BRINP3: variants seen among roughly 807,000 people sequenced by gnomAD.
BRINP3 encodes BMP/retinoic acid inducible neural specific 3.
In BRINP3, 19 loss-of-function variants were observed where a neutral mutation model predicts 71.0. The ratio of observed to expected loss-of-function variants is 0.27; its 90% CI spans 0.19 to 0.39. The LOEUF (loss-of-function observed/expected upper bound fraction) is 0.39. BRINP3 is among the 10% of genes least tolerant of loss of function. The pLI is 1.00. For synonymous variants in BRINP3, 380 were observed against 337.7 expected, an observed-to-expected ratio of 1.13 and a Z score of -1.37; for missense variants, 959 against 940.8, an observed-to-expected ratio of 1.02 and a Z score of -0.25.
intron 2 of BRINP3, among the ~76,000 whole-genome samples, chr1:190,309,614 C>T (rs1184890940): frequency 1.3e-5 from 2 of 151,724 alleles, no homozygotes; most frequent in Non-Finnish European, 3.0e-5. Context: ...TTACAAGTCT[C>T]ATTGTGTTAT....
In BRINP3 at chr1:190,453,201, G is replaced by GTTTTTT. The variant is rs745819844; in HGVS notation, c.236+1453_236+1454insAAAAAA. ...CTACTTTTCAGAAAGAAAAACTTTA[G>GTTTTTT]TATTTTTTTTTTTTTTTTTTTTTTT... On this transcript the variant is annotated intron_variant, in intron 2 of 7. Transcript: ENST00000367462. 7.2e-3 allele frequency among the ~76,000 whole-genome samples: 271 copies of GTTTTTT among 37,852 alleles called. 5 individuals carry two copies. The highest frequency in any genetic ancestry group is 0.023 in the Middle Eastern group (1 of 44). The allele number at this position is 37,852 out of a possible 152,430, so 24.8% of individuals were successfully genotyped here. A position where few individuals can be genotyped will look rare whatever the true frequency, so the allele number is the denominator to read the frequency against.
At chr1:190,354,785 T>TTC (rs1491120587) in intron 2 of BRINP3, among the ~76,000 whole-genome samples, 4 of 151,628 alleles carry the variant, frequency 2.6e-5, no homozygotes, top group African/African-American at 9.7e-5. Context: ...TTTTTTTTTT[T>TTC]TCCTATTTAA....
intron 4 of BRINP3, among the ~76,000 whole-genome samples, chr1:190,253,378 T>C (rs901373941): frequency 1.3e-5 from 2 of 152,230 alleles, no homozygotes; most frequent in Non-Finnish European, 2.9e-5. Flanking sequence ...TGAACTAGTT[T>C]ACACTCCCAT....
At chr1:190,344,860 G>A (rs1667906972) in intron 2 of BRINP3, among the ~76,000 whole-genome samples, 1 of 151,696 alleles carries the variant, frequency 6.6e-6, no homozygotes, top group Admixed American at 6.6e-5. Context: ...TGCCATCAAC[G>A]ACCTTAGGGA....
At chr1:190,311,174 T>C (rs1261210649) in intron 2 of BRINP3, among the ~76,000 whole-genome samples, 2 of 151,728 alleles carry the variant, frequency 1.3e-5, no homozygotes, top group African/African-American at 2.4e-5. Context: ...GCTTTTATCA[T>C]AAATGACTGC....
intron 2 of BRINP3, among the ~76,000 whole-genome samples, chr1:190,429,723 TG>T (rs987069910): frequency 6.6e-6 from 1 of 151,846 alleles, no homozygotes. Context: ...CCCAAGTAGC[TG>T]GGATTACAGG....
At chr1:190,443,896 A>C (rs879323527) in intron 2 of BRINP3, among the ~76,000 whole-genome samples, 9 of 152,112 alleles carry the variant, frequency 5.9e-5, no homozygotes, top group Non-Finnish European at 1.5e-5. Flanking sequence ...TTCTTTCTAT[A>C]AACAGACCTG....
rs1454991802 is a variant in BRINP3, at chr1:190,220,557, G to A, written c.961+5525C>T. ...AAGTATAATTTTTTTTAAAAAAGAAGCAAATAACATAAAAGACATAAAAGG... is the reference window on the plus strand; with the variant it reads ...AAGTATAATTTTTTTTAAAAAAGAAACAAATAACATAAAAGACATAAAAGG... On this transcript the variant is annotated intron_variant, in intron 6 of 7. Transcript: ENST00000367462. Among the ~76,000 whole-genome samples the A allele has an allele frequency of 3.3e-5, 5 of 151,990 alleles. No individual in the cohort carries two copies. In the South Asian group the frequency reaches 1.0e-3, roughly 32 times the overall value.
At chr1:190,128,386 T>C (rs1361343236) in intron 7 of BRINP3, among the ~76,000 whole-genome samples, 1 of 151,820 alleles carries the variant, frequency 6.6e-6, no homozygotes, top group Non-Finnish European at 1.5e-5. Flanking sequence ...CAATGTGTTA[T>C]TTAACTGACA....
At chr1:190,152,752 C>G (rs142005112) in intron 7 of BRINP3, among the ~76,000 whole-genome samples, 11 of 152,108 alleles carry the variant, frequency 7.2e-5, no homozygotes, top group African/African-American at 2.4e-4. Flanking sequence ...AAGCACAACA[C>G]TATATTTCTA....
rs1362616449 is a variant in BRINP3, at chr1:190,270,535, C to A, written c.428-5480G>T. Among the ~76,000 whole-genome samples, 5 of 151,484 alleles carry A rather than the reference C, an allele frequency of 3.3e-5. No individual in the cohort carries two copies. The East Asian group carries it at 9.7e-4, about 29-fold the overall frequency. On this transcript the variant is annotated intron_variant, in intron 3 of 7. Coordinates refer to ENST00000367462, the MANE Select transcript of BRINP3 (RefSeq NM_199051.3). ...TACAAAGAATCAATAAACTTTATAC[C>A]TGGTGCATGAGCAGCATACTCATAG...
At chr1:190,165,415 A>T (rs1343666039) in intron 6 of BRINP3, among the ~76,000 whole-genome samples, 1 of 144,144 alleles carries the variant, frequency 6.9e-6, no homozygotes, top group Non-Finnish European at 1.5e-5. Context: ...ACATGAACAC[A>T]TAGCAAGTAT....
At chr1:190,221,971 G>A (rs1031225603) in intron 6 of BRINP3, among the ~76,000 whole-genome samples, 2 of 151,826 alleles carry the variant, frequency 1.3e-5, no homozygotes, top group Middle Eastern at 3.4e-3. Flanking sequence ...ATAACAGCAG[G>A]GGAATTTAAC....
At chr1:190,138,743 C>G (rs1203514317) in intron 7 of BRINP3, among the ~76,000 whole-genome samples, 1 of 152,060 alleles carries the variant, frequency 6.6e-6, no homozygotes, top group African/African-American at 2.4e-5. Context: ...ACAGGTGGGT[C>G]TCAGAAAGGT....
intron 2 of BRINP3, among the ~76,000 whole-genome samples, chr1:190,447,603 G>GCTCT (rs377608154): frequency 6.8e-6 from 1 of 147,016 alleles, no homozygotes; most frequent in East Asian, 2.0e-4. Flanking sequence ...TCTCCCTATA[G>GCTCT]CTCTCTCTCT....
intron 1 of BRINP3, among the ~76,000 whole-genome samples, chr1:190,460,277 G>A (rs1464145897): frequency 6.7e-6 from 1 of 150,212 alleles, no homozygotes; most frequent in African/African-American, 2.4e-5. Flanking sequence ...ATATTTATAT[G>A]TAGTACCCCA....
At chr1:190,311,175 A>C (rs1010092955) in intron 2 of BRINP3, among the ~76,000 whole-genome samples, 16 of 151,742 alleles carry the variant, frequency 1.1e-4, no homozygotes, top group African/African-American at 3.9e-4. Flanking sequence ...CTTTTATCAT[A>C]AATGACTGCA....
chr1:190,351,729 T>C (rs1399186051), intron 2 of BRINP3, among the ~76,000 whole-genome samples: 2 of 151,988 alleles, frequency 1.3e-5, no homozygotes, highest in Admixed American at 1.3e-4. Context: ...GGTTGAAGAG[T>C]TTTTAAATGG....
chr1:190,348,349 C>A (rs1668157380), intron 2 of BRINP3, among the ~76,000 whole-genome samples: 1 of 152,046 alleles, frequency 6.6e-6, no homozygotes, highest in Non-Finnish European at 1.5e-5. Context: ...TGAATTCAAC[C>A]AATAAGTGCT....
Sources: gnomAD v4.1 joint callset for allele counts (sites outside exome capture counted in the v4.1 genomes callset) on GRCh38, gnomAD v4.1.1 for gene constraint, MANE v1.5 for transcripts, NCBI Gene and HGNC (gene_info 2026-07-23, HGNC 2026-07-21) for gene names.